Variants in SPATS2L observed in about 807,000 individuals in gnomAD.
The protein encoded by SPATS2L is SPATS2-like protein.
A neutral mutation model predicts 59.6 loss-of-function variants in SPATS2L; 30 were observed. The observed-to-expected ratio is 0.50, with a 90% confidence interval of 0.38 to 0.68. SPATS2L has a LOEUF of 0.68. Ranked by LOEUF, SPATS2L falls within the 30% of genes least tolerant of loss-of-function variation. The probability of loss-of-function intolerance (pLI) is 0.00; values close to 1 mark genes in which losing one functional copy is unlikely to be tolerated. For missense variants in SPATS2L, 615 were observed against 700.0 expected (o/e 0.88, Z 1.37); for synonymous variants, 252 against 263.5 (o/e 0.96, Z 0.42).
At chr2:200,412,467 C>T in intron 4 of SPATS2L, 48 bp downstream of exon 4, 1 of 979,268 alleles carries the variant, frequency 1.0e-6, no homozygotes, top group Non-Finnish European at 1.5e-6. Context: ...CTTAAATATT[C>T]CAGATATTCC....
At position 200,352,311 on chromosome 2, in the gene SPATS2L, TTTTA is replaced by T. The variant is rs1431104823; in HGVS notation, c.-23+22833_-23+22836del. ...GTTTTGAGGCTATATAACCAGCAGT[TTTTA>T]TATATATATATATATATATATATAT... On this transcript the variant is annotated intron_variant, in intron 2 of 12. Coordinates refer to ENST00000409140, the MANE Select transcript of SPATS2L (RefSeq NM_001100423.2). Among the ~76,000 whole-genome samples, 322 of 121,900 alleles carry T rather than the reference TTTTA, an allele frequency of 2.6e-3. 99 individuals are homozygous for T. The highest frequency in any genetic ancestry group is 7.1e-3 in the African/African-American group (154 of 21,602). 80.0% of individuals were successfully genotyped at this position (121,900 alleles called of 152,430 possible). A position where few individuals can be genotyped will look rare whatever the true frequency, so the allele number is the denominator to read the frequency against.
At chr2:200,464,307 G>A (rs1259662586) in intron 9 of SPATS2L, among the ~76,000 whole-genome samples, 1 of 152,166 alleles carries the variant, frequency 6.6e-6, no homozygotes, top group Non-Finnish European at 1.5e-5. Context: ...CCTTTGAAAT[G>A]TTAATGAGAC....
At chr2:200,374,171 A>G (rs2081523119) in intron 2 of SPATS2L, among the ~76,000 whole-genome samples, 1 of 152,222 alleles carries the variant, frequency 6.6e-6, no homozygotes, top group Admixed American at 6.5e-5. Flanking sequence ...CATTGCATCT[A>G]GCAGAGACAA....
At chr2:200,359,018 A>G (rs2081012346) in intron 2 of SPATS2L, among the ~76,000 whole-genome samples, 1 of 152,018 alleles carries the variant, frequency 6.6e-6, no homozygotes, top group Admixed American at 6.6e-5. Flanking sequence ...ACACACACAC[A>G]AATTTTCTTT....
intron 3 of SPATS2L, among the ~76,000 whole-genome samples, chr2:200,394,324 G>T (rs915860870): frequency 5.3e-5 from 8 of 152,050 alleles, no homozygotes; most frequent in Non-Finnish European, 1.0e-4. Flanking sequence ...CCTCTGTCTG[G>T]GATGTCCTCC....
intron 2 of SPATS2L, among the ~76,000 whole-genome samples, chr2:200,387,101 G>A (rs922482231): frequency 6.6e-6 from 1 of 152,150 alleles, no homozygotes; most frequent in African/African-American, 2.4e-5. Flanking sequence ...GAAATAATCA[G>A]AAAAGAATCC....
chr2:200,440,923 C>G, intron 8 of SPATS2L, 139 bp downstream of exon 8: 1 of 773,470 alleles, frequency 1.3e-6, no homozygotes, highest in South Asian at 2.3e-5. Flanking sequence ...TTAAGCCCTG[C>G]AGGCAGTAGC....
chr2:200,452,250 CAA>C (rs1313554324), intron 8 of SPATS2L, among the ~76,000 whole-genome samples: 2 of 152,188 alleles, frequency 1.3e-5, no homozygotes, highest in African/African-American at 4.8e-5. Flanking sequence ...TATTGTTCAT[CAA>C]AGTCATATGT....
chr2:200,339,895 T>C (rs2080265559), intron 2 of SPATS2L, among the ~76,000 whole-genome samples: 2 of 152,218 alleles, frequency 1.3e-5, no homozygotes, highest in Non-Finnish European at 2.9e-5. Context: ...ATGCTGAATG[T>C]TCCTGTTTAG....
At chr2:200,410,458 A>T (rs891925802) in intron 3 of SPATS2L, among the ~76,000 whole-genome samples, 1 of 152,160 alleles carries the variant, frequency 6.6e-6, no homozygotes, top group Non-Finnish European at 1.5e-5. Flanking sequence ...GGTTGCTCAC[A>T]GGATCAAAAT....
intron 2 of SPATS2L, among the ~76,000 whole-genome samples, chr2:200,372,487 T>C (rs2081460374): frequency 6.6e-6 from 1 of 152,096 alleles, no homozygotes; most frequent in African/African-American, 2.4e-5. Context: ...CACTGGGAAG[T>C]GGGGAGCAAA....
chr2:200,405,356 A>G (rs187394734), intron 3 of SPATS2L, among the ~76,000 whole-genome samples: 213 of 149,934 alleles, frequency 1.4e-3, no homozygotes, highest in African/African-American at 4.9e-3. Flanking sequence ...AATCTGCATT[A>G]TTCTTTCTCT....
intron 1 of SPATS2L, among the ~76,000 whole-genome samples, chr2:200,317,657 T>C (rs921105515): frequency 2.0e-5 from 3 of 152,178 alleles, no homozygotes; most frequent in African/African-American, 7.2e-5. Flanking sequence ...TGTGAAAATA[T>C]TCATCTGAGA....
chr2:200,332,808 A>G (rs1214462839), intron 2 of SPATS2L, among the ~76,000 whole-genome samples: 3 of 148,144 alleles, frequency 2.0e-5, no homozygotes, highest in South Asian at 2.1e-4. Context: ...GTATGTATCT[A>G]TGTATTCTAG....
At chr2:200,325,669 G>A (rs974638889) in intron 1 of SPATS2L, among the ~76,000 whole-genome samples, 4 of 152,102 alleles carry the variant, frequency 2.6e-5, no homozygotes, top group Admixed American at 6.6e-5. Flanking sequence ...GTGAGCCACC[G>A]CCCTGGCCAG....
intron 2 of SPATS2L, among the ~76,000 whole-genome samples, chr2:200,370,713 T>C (rs139773850): frequency 8.7e-4 from 132 of 152,336 alleles, no homozygotes; most frequent in African/African-American, 3.1e-3. Context: ...ACTTTATGAA[T>C]GAGTAAACTG....
At chr2:200,408,182 A>G (rs560492679) in intron 3 of SPATS2L, among the ~76,000 whole-genome samples, 46 of 152,180 alleles carry the variant, frequency 3.0e-4, no homozygotes, top group Non-Finnish European at 5.9e-4. Context: ...GGAATGTGCA[A>G]TTCAGACATA....
intron 10 of SPATS2L, among the ~76,000 whole-genome samples, chr2:200,468,837 A>G (rs2086817913): frequency 6.6e-6 from 1 of 152,218 alleles, no homozygotes; most frequent in South Asian, 2.1e-4. Flanking sequence ...CAAAAATCCC[A>G]GCTTGTTAGA....
At position 200,478,471 on chromosome 2, in the gene SPATS2L, G is replaced by GA. The variant is rs1366213035; in HGVS notation, c.*446dup. 2.0e-5 allele frequency: 3 copies of GA among 153,378 alleles called. No homozygotes were observed. Among genetic ancestry groups the GA allele is most frequent in the South Asian group, 2.1e-4 (1 of 4,832 alleles). 9.5% of individuals were successfully genotyped at this position (153,378 alleles called of 1,614,324 possible). A position where few individuals can be genotyped will look rare whatever the true frequency, so the allele number is the denominator to read the frequency against. ...AGAATTTAACATCTGGTGTTTTTCTGAAAAAATATATATACATATATTGCT... is the reference window on the plus strand; with the variant it reads ...AGAATTTAACATCTGGTGTTTTTCTGAAAAAAATATATATACATATATTGCT... On this transcript the variant is annotated 3_prime_UTR_variant, in exon 13 of 13. Coordinates refer to ENST00000409140, the MANE Select transcript of SPATS2L (RefSeq NM_001100423.2).
Sources: gnomAD v4.1 joint callset for allele counts (sites outside exome capture counted in the v4.1 genomes callset) on GRCh38, gnomAD v4.1.1 for gene constraint, MANE v1.5 for transcripts, NCBI Gene and HGNC (gene_info 2026-07-23, HGNC 2026-07-21) for gene names.